The following PDE4B variants were observed in gnomAD, a reference collection of about 807,000 sequenced individuals.
PDE4B encodes the protein 3',5'-cyclic-AMP phosphodiesterase 4B.
Under a neutral mutation model 82.2 loss-of-function variants are expected in PDE4B, and 20 were observed. The observed-to-expected ratio is 0.24, with a 90% CI of 0.17 to 0.35. The LOEUF (loss-of-function observed/expected upper bound fraction) is 0.35. PDE4B is among the 10% of genes least tolerant of loss of function. PDE4B has a pLI of 1.00. For synonymous variants in PDE4B, 320 were observed against 318.9 expected (o/e 1.00, Z -0.04); for missense variants, 655 against 907.2 (o/e 0.72, Z 3.57).
intron 1 of PDE4B, among the ~76,000 whole-genome samples, chr1:65,844,310 T>C (rs1646243861): frequency 6.6e-6 from 1 of 152,182 alleles, no homozygotes; most frequent in South Asian, 2.1e-4. Context: ...TATCCTACAA[T>C]TTAGCTAGGC....
intron 3 of PDE4B, among the ~76,000 whole-genome samples, chr1:66,242,452 G>A (rs534080066): frequency 2.6e-4 from 40 of 152,112 alleles, no homozygotes; most frequent in African/African-American, 8.0e-4. Flanking sequence ...TCTTTCTAGC[G>A]GGTTATTTGT....
chr1:65,799,907 A>T (rs1645675715), intron 1 of PDE4B, among the ~76,000 whole-genome samples: 1 of 152,196 alleles, frequency 6.6e-6, no homozygotes, highest in African/African-American at 2.4e-5. Flanking sequence ...AAGATTCTCC[A>T]TCTGTTTCTT....
intron 1 of PDE4B, among the ~76,000 whole-genome samples, chr1:65,808,136 G>A (rs1645777526): frequency 6.6e-6 from 1 of 151,848 alleles, no homozygotes; most frequent in Non-Finnish European, 1.5e-5. Context: ...GGATTAAAGG[G>A]AGTGTTGGGT....
intron 6 of PDE4B, among the ~76,000 whole-genome samples, chr1:66,265,033 G>A (rs534608854): frequency 1.3e-5 from 2 of 152,236 alleles, no homozygotes; most frequent in Non-Finnish European, 2.9e-5. Flanking sequence ...CAAATGTCCT[G>A]TTACTCCTTA....
chr1:65,938,997 C>G (rs928123971), intron 3 of PDE4B, among the ~76,000 whole-genome samples: 5 of 152,012 alleles, frequency 3.3e-5, no homozygotes, highest in African/African-American at 1.2e-4. Context: ...CTACTTTAGT[C>G]CAAGTGAGCA....
At chr1:65,999,966 A>G (rs1213300546) in intron 3 of PDE4B, among the ~76,000 whole-genome samples, 2 of 152,206 alleles carry the variant, frequency 1.3e-5, no homozygotes, top group Admixed American at 1.3e-4. Context: ...CAGTAGAGCT[A>G]CTGCAGCTTG....
At chr1:65,869,052 G>T (rs991913142) in intron 1 of PDE4B, among the ~76,000 whole-genome samples, 12 of 152,262 alleles carry the variant, frequency 7.9e-5, no homozygotes, top group Non-Finnish European at 1.8e-4. Context: ...ACTAATACAG[G>T]ATCAGTCCAG....
At chr1:65,853,139 T>G (rs1646349782) in intron 1 of PDE4B, among the ~76,000 whole-genome samples, 1 of 152,160 alleles carries the variant, frequency 6.6e-6, no homozygotes, top group African/African-American at 2.4e-5. Context: ...GACATGCTTC[T>G]TTTTGTCCTA....
Position 66,017,583 on chromosome 1 carries a change from T to C in PDE4B, c.281+98748T>C, listed in dbSNP as rs576281703. ...ACTTTCTTAGTTCTAGGTTGGTAAA[T>C]ATTGTAGAAAAAGCAAAATGTTTCC... On this transcript the variant is annotated intron_variant, in intron 3 of 16. Coordinates refer to ENST00000341517, the MANE Select transcript of PDE4B (RefSeq NM_002600.4). Among the ~76,000 whole-genome samples the C allele has an allele frequency of 4.7e-4, 71 of 152,320 alleles. 1 individual carries two copies. The highest frequency in any genetic ancestry group is 1.7e-3 in the African/African-American group (70 of 41,578).
chr1:65,904,200 A>G (rs1331507604), intron 1 of PDE4B, among the ~76,000 whole-genome samples: 1 of 152,176 alleles, frequency 6.6e-6, no homozygotes, highest in Non-Finnish European at 1.5e-5. Context: ...CATATACCCC[A>G]TGAAACATGT....
At chr1:65,923,121 G>T (rs1647311451) in intron 3 of PDE4B, among the ~76,000 whole-genome samples, 1 of 152,002 alleles carries the variant, frequency 6.6e-6, no homozygotes, top group African/African-American at 2.4e-5. Flanking sequence ...TTTGTTAGCA[G>T]GACCTTGAAG....
intron 3 of PDE4B, among the ~76,000 whole-genome samples, chr1:65,934,281 T>G (rs3969967): frequency 0.068 from 10,303 of 152,104 alleles, 382 homozygotes; most frequent in South Asian, 0.12. Context: ...AGACCCTATC[T>G]GTAAAACAAT....
intron 1 of PDE4B, among the ~76,000 whole-genome samples, chr1:65,860,898 GT>G (rs1253603640): frequency 6.6e-6 from 1 of 151,730 alleles, no homozygotes; most frequent in Non-Finnish European, 1.5e-5. Flanking sequence ...GGGGACATTT[GT>G]TTTTTTCTTG....
chr1:66,193,171 A>G (rs1286799120), intron 3 of PDE4B, among the ~76,000 whole-genome samples: 2 of 152,180 alleles, frequency 1.3e-5, no homozygotes, highest in Admixed American at 1.3e-4. Flanking sequence ...CAAGAAAGGA[A>G]TTTCATGTTG....
intron 3 of PDE4B, among the ~76,000 whole-genome samples, chr1:66,051,686 T>C (rs1655035927): frequency 6.6e-6 from 1 of 152,076 alleles, no homozygotes; most frequent in African/African-American, 2.4e-5. Flanking sequence ...ACATCTCAAA[T>C]AGGGTTGATA....
chr1:66,266,621 T>C (rs576642208), intron 7 of PDE4B: 31 of 465,034 alleles, frequency 6.7e-5, no homozygotes, highest in Admixed American at 6.0e-4. Flanking sequence ...CAACGGTGTT[T>C]TGTTTTGTTT....
intron 7 of PDE4B, among the ~76,000 whole-genome samples, chr1:66,326,173 C>G (rs911333254): frequency 8.5e-5 from 13 of 152,130 alleles, no homozygotes; most frequent in Non-Finnish European, 1.6e-4. Flanking sequence ...TTTAGAAATT[C>G]TGCTCTTGTT....
At chr1:66,004,442 T>C (rs541956190) in intron 3 of PDE4B, among the ~76,000 whole-genome samples, 9 of 152,216 alleles carry the variant, frequency 5.9e-5, no homozygotes, top group African/African-American at 1.7e-4. Context: ...CACAATAAAA[T>C]AAAAAGTAAT....
chr1:65,952,394 A>C (rs1649047694), intron 3 of PDE4B, among the ~76,000 whole-genome samples: 1 of 152,026 alleles, frequency 6.6e-6, no homozygotes, highest in South Asian at 2.1e-4. Context: ...ATTAATGTAT[A>C]ATTAGGCCAG....
Sources: allele counts gnomAD v4.1 joint callset (sites outside exome capture counted in the v4.1 genomes callset), GRCh38; gene constraint gnomAD v4.1.1; transcripts MANE v1.5; gene names NCBI Gene and HGNC (gene_info 2026-07-23, HGNC 2026-07-21).